Variants in KIF16B observed in about 807,000 individuals in gnomAD.
The protein encoded by KIF16B is kinesin family member 16B.
KIF16B carries 98 observed loss-of-function variants against 156.3 expected under a neutral mutation model. The observed-to-expected ratio is 0.63, with a 90% CI of 0.53 to 0.74. The LOEUF (loss-of-function observed/expected upper bound fraction) is 0.74. Ranked by LOEUF, KIF16B falls within the 30% of genes least tolerant of loss-of-function variation. The pLI, the probability that KIF16B is intolerant of heterozygous loss-of-function variation, is 0.00. For missense variants in KIF16B, 1,421 were observed against 1,606.5 expected, an observed-to-expected ratio of 0.88 and a Z score of 1.97; for synonymous variants, 564 against 583.7, an observed-to-expected ratio of 0.97 and a Z score of 0.49.
At chr20:16,394,052 C>T (rs1032875829) in intron 17 of KIF16B, among the ~76,000 whole-genome samples, 1 of 152,196 alleles carries the variant, frequency 6.6e-6, no homozygotes, top group African/African-American at 2.4e-5. Context: ...GAAAATCATG[C>T]TACCATGTAG....
intron 2 of KIF16B, 34 bp from the exon 3 acceptor site, chr20:16,526,239 G>A (rs761909313): frequency 1.3e-5 from 17 of 1,261,616 alleles, no homozygotes; most frequent in Middle Eastern, 1.9e-4. Context: ...TAATGATAAT[G>A]TAAAGAGCAC....
intron 17 of KIF16B, among the ~76,000 whole-genome samples, chr20:16,384,127 G>T (rs190192328): frequency 1.8e-3 from 275 of 152,280 alleles, no homozygotes; most frequent in African/African-American, 6.2e-3. Flanking sequence ...GAGCTGCAAG[G>T]TCTCAAGGAG....
At chr20:16,375,438 T>C (rs1174360301) in intron 19 of KIF16B, among the ~76,000 whole-genome samples, 2 of 152,148 alleles carry the variant, frequency 1.3e-5, no homozygotes, top group Non-Finnish European at 2.9e-5. Context: ...AAAGCCAAGT[T>C]CTGAATTTTC....
intron 12 of KIF16B, among the ~76,000 whole-genome samples, chr20:16,445,445 T>TGTGTGTG (rs1568542633): frequency 2.6e-5 from 4 of 151,312 alleles, no homozygotes; most frequent in South Asian, 4.2e-4. Flanking sequence ...TGTGTGTGTG[T>TGTGTGTG]TTTAATCTAA....
intron 12 of KIF16B, among the ~76,000 whole-genome samples, chr20:16,438,464 T>C (rs979474581): frequency 1.3e-5 from 2 of 152,212 alleles, no homozygotes; most frequent in Non-Finnish European, 2.9e-5. Context: ...AGCATAGGTA[T>C]ATACATATAG....
intron 25 of KIF16B, among the ~76,000 whole-genome samples, chr20:16,304,186 C>T (rs747798704): frequency 6.6e-5 from 10 of 152,156 alleles, no homozygotes; most frequent in Non-Finnish European, 7.4e-5. Context: ...TGTTATTATT[C>T]TTGAGAATAG....
chr20:16,528,663 T>C (rs1187957400), intron 1 of KIF16B, among the ~76,000 whole-genome samples: 1 of 152,150 alleles, frequency 6.6e-6, no homozygotes, highest in Admixed American at 6.6e-5. Flanking sequence ...ACACAGTGTG[T>C]TGTTAAACCC....
Position 16,379,532 on chromosome 20 carries a change from G to A in KIF16B, c.2470C>T (p.Arg824Cys), listed in dbSNP as rs2236144. Reference sequence around the variant, plus strand: ...TGCCTTCTCTTGAATTCGAAGAAACGCAGTTGAGCCTTTTCTAACTCCTCG... The same window carrying A: ...TGCCTTCTCTTGAATTCGAAGAAACACAGTTGAGCCTTTTCTAACTCCTCG... Reference protein sequence around the residue: ...DGEELEKAQLRFFEFKRRQLV... With the variant: ...DGEELEKAQLCFFEFKRRQLV... The change falls in exon 19 of 26, where the codon CGT (arginine) becomes TGT (cysteine). Residue 824 changes from arginine (R) to cysteine (C), a missense_variant. Physicochemically the swap from Arg to Cys is radical, Grantham distance 180. Transcript: ENST00000354981. 13 of 1,614,054 alleles carry A rather than the reference G, an allele frequency of 8.1e-6. No individual in the cohort carries two copies. Among genetic ancestry groups the A allele is most frequent in the Middle Eastern group, 1.6e-4 (1 of 6,062 alleles).
chr20:16,394,359 G>GA (rs2065441678), intron 17 of KIF16B, among the ~76,000 whole-genome samples: 1 of 152,074 alleles, frequency 6.6e-6, no homozygotes, highest in Non-Finnish European at 1.5e-5. Flanking sequence ...CGGACAAAAA[G>GA]GAAAAAAGCA....
intron 3 of KIF16B, among the ~76,000 whole-genome samples, chr20:16,520,607 G>A (rs2069311609): frequency 6.6e-6 from 1 of 152,216 alleles, no homozygotes; most frequent in Non-Finnish European, 1.5e-5. Context: ...CACAGCTTCG[G>A]CAGACTTAAA....
rs1163551584 is a variant in KIF16B, at chr20:16,406,441, A to G, written c.1628T>C (p.Leu543Ser). 6.2e-7 allele frequency: 1 copy of G among 1,613,522 alleles called. No individual in the cohort carries two copies. The highest frequency in any genetic ancestry group is 8.5e-7 in the Non-Finnish European group (1 of 1,179,576). ...THLNQGAVIL[L>S]GRTNMFRFNH... ...AAAGCGAAACATATTGGTTCTTCCC[A>G]AGAGAATCACAGCACCTGAAAACAC... Residue 543 changes from leucine (L) to serine (S), a missense_variant, in exon 16 of 26, where the codon TTG becomes TCG. Transcript: ENST00000354981.
rs756229823 is a variant in KIF16B at position 16,280,867 on chromosome 20, T to TGC, written c.3796-7458_3796-7457dup. Among the ~76,000 whole-genome samples, 124 of 150,898 alleles carry TGC rather than the reference T, an allele frequency of 8.2e-4. 1 individual carries two copies. The South Asian group carries it at 0.013, about 16-fold the overall frequency. On this transcript the variant is annotated intron_variant, in intron 25 of 25. Transcript: ENST00000354981. Reference sequence around the variant, plus strand: ...GTGTGTGTGTGTGTGTGTGTGTGTGTGCGCAGAAAATGCAAGCATGAGAAT... The same window carrying TGC: ...GTGTGTGTGTGTGTGTGTGTGTGTGTGCGCGCAGAAAATGCAAGCATGAGAAT...
At chr20:16,465,318 T>A (rs747120952) in intron 12 of KIF16B, among the ~76,000 whole-genome samples, 2 of 152,104 alleles carry the variant, frequency 1.3e-5, no homozygotes, top group Non-Finnish European at 2.9e-5. Context: ...AAGAGCTTTT[T>A]AATAAAAAAG....
intron 12 of KIF16B, among the ~76,000 whole-genome samples, chr20:16,472,711 C>G (rs919576166): frequency 1.3e-5 from 2 of 152,104 alleles, no homozygotes; most frequent in Non-Finnish European, 2.9e-5. Context: ...CACGCGCTCT[C>G]ACTACACTGT....
intron 12 of KIF16B, among the ~76,000 whole-genome samples, chr20:16,448,060 T>G (rs935359887): frequency 6.6e-6 from 1 of 152,202 alleles, no homozygotes; most frequent in Non-Finnish European, 1.5e-5. Flanking sequence ...TGCCAATTGT[T>G]GGCAGAAATT....
chr20:16,450,556 C>T (rs996070672), intron 12 of KIF16B, among the ~76,000 whole-genome samples: 1 of 152,178 alleles, frequency 6.6e-6, no homozygotes, highest in Admixed American at 6.5e-5. Flanking sequence ...ACAGGCTGTT[C>T]CTCCGCTCCA....
chr20:16,530,501 C>T (rs562301592), intron 1 of KIF16B, among the ~76,000 whole-genome samples: 9 of 152,096 alleles, frequency 5.9e-5, no homozygotes, highest in Admixed American at 4.6e-4. Context: ...AACAGGGGCC[C>T]GCTAGCAGCA....
intron 22 of KIF16B, among the ~76,000 whole-genome samples, chr20:16,357,481 A>G (rs2064466126): frequency 6.6e-6 from 1 of 152,222 alleles, no homozygotes; most frequent in African/African-American, 2.4e-5. Flanking sequence ...ATGAAATTGT[A>G]CAATAATTAC....
At chr20:16,413,852 T>C (rs992301283) in intron 15 of KIF16B, among the ~76,000 whole-genome samples, 12 of 151,874 alleles carry the variant, frequency 7.9e-5, no homozygotes, top group Non-Finnish European at 1.0e-4. Flanking sequence ...GTCAGGAACA[T>C]ACAATTTTCT....
Sources: allele counts gnomAD v4.1 joint callset (sites outside exome capture counted in the v4.1 genomes callset), GRCh38; gene constraint gnomAD v4.1.1; transcripts MANE v1.5; gene names NCBI Gene and HGNC (gene_info 2026-07-23, HGNC 2026-07-21).